The following SCHIP1 variants were observed in gnomAD, a reference collection of about 807,000 sequenced individuals.
SCHIP1 encodes schwannomin-interacting protein 1.
In SCHIP1, 8 loss-of-function variants were observed where a neutral mutation model predicts 29.7. The observed-to-expected ratio is 0.27, with a 90% CI of 0.16 to 0.49. SCHIP1 has a LOEUF of 0.49. Ranked by LOEUF, SCHIP1 falls within the 20% of genes least tolerant of loss-of-function variation. The pLI, the probability that SCHIP1 is intolerant of heterozygous loss-of-function variation, is 0.99. For missense variants in SCHIP1, 193 were observed against 294.6 expected (o/e 0.66, Z 2.52); for synonymous variants, 76 against 94.9 (o/e 0.80, Z 1.16).
chr3:159,369,665 A>AGTTTGTTT, the SCHIP1 span, among the ~76,000 whole-genome samples: 1 of 151,812 alleles, frequency 6.6e-6, no homozygotes, highest in Non-Finnish European at 1.5e-5. Context: ...TGAAGAAGTC[A>AGTTTGTTT]GTTTGGTACA....
the SCHIP1 span, among the ~76,000 whole-genome samples, chr3:159,507,495 A>T: frequency 6.6e-6 from 1 of 152,180 alleles, no homozygotes; most frequent in African/African-American, 2.4e-5. Flanking sequence ...CAGAACTTCC[A>T]GCACTAGGTT....
the SCHIP1 span, among the ~76,000 whole-genome samples, chr3:159,289,912 A>G: frequency 6.6e-6 from 1 of 152,214 alleles, no homozygotes; most frequent in African/African-American, 2.4e-5. Flanking sequence ...CACAAATAGC[A>G]CTGTGGTCTT....
At chr3:159,828,440 C>CGT in the SCHIP1 span, among the ~76,000 whole-genome samples, 4 of 47,612 alleles carry the variant, frequency 8.4e-5, no homozygotes, top group East Asian at 0.01. Flanking sequence ...CGTATATATA[C>CGT]GTATATATAT....
chr3:159,701,300 G>A, the SCHIP1 span, among the ~76,000 whole-genome samples: 1 of 152,150 alleles, frequency 6.6e-6, no homozygotes, highest in Non-Finnish European at 1.5e-5. Context: ...TTTTAGAGCA[G>A]TTTTGTGTTC....
At chr3:159,772,041 C>T in the SCHIP1 span, among the ~76,000 whole-genome samples, 1 of 152,214 alleles carries the variant, frequency 6.6e-6, no homozygotes, top group Non-Finnish European at 1.5e-5. Context: ...GCTCTGCCTG[C>T]ATTTCCAGTT....
chr3:159,716,200 T>G, the SCHIP1 span, among the ~76,000 whole-genome samples: 3 of 152,236 alleles, frequency 2.0e-5, no homozygotes, highest in Non-Finnish European at 2.9e-5. Context: ...AAGCAAATGC[T>G]GACAGATTTT....
the SCHIP1 span, among the ~76,000 whole-genome samples, chr3:159,508,084 A>C: frequency 6.6e-6 from 1 of 152,154 alleles, no homozygotes; most frequent in African/African-American, 2.4e-5. Context: ...TCGGCTGTGA[A>C]TCCGTCTGGT....
At chr3:159,872,831 C>A (rs768878331) in intron 2 of SCHIP1, among the ~76,000 whole-genome samples, 1 of 152,164 alleles carries the variant, frequency 6.6e-6, no homozygotes, top group Non-Finnish European at 1.5e-5. Context: ...AATTGTGTAA[C>A]CCATACTCCC....
chr3:159,882,950 ATACT>A (rs2109400509), intron 2 of SCHIP1, among the ~76,000 whole-genome samples: 1 of 152,356 alleles, frequency 6.6e-6, no homozygotes, highest in Admixed American at 6.5e-5. Flanking sequence ...TCCAGAAGAC[ATACT>A]TAGTCTTTAT....
At chr3:159,285,515 CA>C in the SCHIP1 span, among the ~76,000 whole-genome samples, 1 of 152,022 alleles carries the variant, frequency 6.6e-6, no homozygotes, top group Non-Finnish European at 1.5e-5. Flanking sequence ...ATTTTAATAA[CA>C]TAAGAACAAG....
chr3:159,851,614 C>A (rs1458991238), intron 1 of SCHIP1, among the ~76,000 whole-genome samples: 2 of 152,202 alleles, frequency 1.3e-5, no homozygotes, highest in Non-Finnish European at 2.9e-5. Context: ...AACTAACCTC[C>A]TTTGGCAGGA....
In SCHIP1 at chr3:159,861,887, T is replaced by C. The variant is rs1013742541; in HGVS notation, c.31-4276T>C. Reference sequence around the variant, plus strand: ...TGTCTGTTTCTCACCCTGGAGCGTATTGGGCTTGGCTGGATTAAGGGGGCT... The same window carrying C: ...TGTCTGTTTCTCACCCTGGAGCGTACTGGGCTTGGCTGGATTAAGGGGGCT... On this transcript the variant is annotated intron_variant, in intron 1 of 6. Coordinates refer to ENST00000445224, the Ensembl canonical transcript of SCHIP1. This position sits in a 1 kb window ranked among gnomAD's most constrained non-coding sequence, Gnocchi z 4.1. Among the ~76,000 whole-genome samples, 7 of 152,164 alleles carry C rather than the reference T, an allele frequency of 4.6e-5. No homozygotes were observed. The highest frequency in any genetic ancestry group is 2.0e-4 in the Admixed American group (3 of 15,270).
At chr3:159,450,688 C>T in the SCHIP1 span, among the ~76,000 whole-genome samples, 1 of 152,148 alleles carries the variant, frequency 6.6e-6, no homozygotes, top group Non-Finnish European at 1.5e-5. Context: ...TGCCTTTCTC[C>T]TCTTCAATTC....
chr3:159,462,629 T>G, the SCHIP1 span, among the ~76,000 whole-genome samples: 1 of 152,148 alleles, frequency 6.6e-6, no homozygotes. Flanking sequence ...GTTATTTCCT[T>G]GTTCAGAAAC....
chr3:159,439,248 CTG>C, the SCHIP1 span, among the ~76,000 whole-genome samples: 1 of 152,088 alleles, frequency 6.6e-6, no homozygotes, highest in African/African-American at 2.4e-5. Context: ...TTGCCTGAGA[CTG>C]TATAATTTAT....
the SCHIP1 span, among the ~76,000 whole-genome samples, chr3:159,673,063 G>A: frequency 6.6e-6 from 1 of 152,090 alleles, no homozygotes; most frequent in Non-Finnish European, 1.5e-5. Context: ...TTTGTTTCTT[G>A]TATTGGCCTT....
the SCHIP1 span, among the ~76,000 whole-genome samples, chr3:159,509,250 G>C: frequency 6.6e-6 from 1 of 152,048 alleles, no homozygotes; most frequent in East Asian, 1.9e-4. Context: ...TTTGATCTTT[G>C]TTGGTTTAAA....
At chr3:159,553,425 AT>A in the SCHIP1 span, among the ~76,000 whole-genome samples, 15,668 of 152,184 alleles carry the variant, frequency 0.1, 926 homozygotes, top group East Asian at 0.21. Flanking sequence ...AACAGATGTT[AT>A]TGTCTAGATG....
the SCHIP1 span, among the ~76,000 whole-genome samples, chr3:159,405,789 AG>A: frequency 0.027 from 4,062 of 151,882 alleles, 69 homozygotes; most frequent in East Asian, 0.11. Context: ...AGGCTGAGCC[AG>A]GAGAATCACT....
Sources: allele counts gnomAD v4.1 joint callset (sites outside exome capture counted in the v4.1 genomes callset), GRCh38; gene constraint gnomAD v4.1.1; non-coding constraint Gnocchi (gnomAD v3.1); transcripts MANE v1.5; gene names NCBI Gene and HGNC (gene_info 2026-07-23, HGNC 2026-07-21).